The following NKAIN2 variants were observed in gnomAD, a reference collection of about 807,000 sequenced individuals.
NKAIN2 encodes the protein sodium/potassium-transporting ATPase subunit beta-1-interacting protein 2.
Under a neutral mutation model 32.6 loss-of-function variants are expected in NKAIN2, and 14 were observed. The observed-to-expected ratio is 0.43, with a 90% CI of 0.28 to 0.67. NKAIN2 has a LOEUF of 0.67. Among genes scored for constraint, NKAIN2 ranks in the 30% least tolerant of loss-of-function variants. The pLI is 0.17. For missense variants in NKAIN2, 198 were observed against 258.3 expected (o/e 0.77, Z 1.60); for synonymous variants, 80 against 87.2 (o/e 0.92, Z 0.46).
intron 1 of NKAIN2, among the ~76,000 whole-genome samples, chr6:124,261,414 A>G (rs1794242178): frequency 6.6e-6 from 1 of 152,166 alleles, no homozygotes; most frequent in Non-Finnish European, 1.5e-5. Flanking sequence ...CACTTCAACA[A>G]TGTTAGTTGC....
chr6:124,166,463 AG>A (rs1240802007), intron 1 of NKAIN2, among the ~76,000 whole-genome samples: 19 of 150,414 alleles, frequency 1.3e-4, no homozygotes, highest in African/African-American at 3.2e-4. Context: ...CCAATTTTGT[AG>A]GTTGCCTGTT....
Position 124,490,228 on chromosome 6 carries a change from GA to G in NKAIN2, c.273+134890del, listed in dbSNP as rs201777883. ...CAAGTTCCTTGAAACATTCAGGAAA[GA>G]AAAAAAAACTAAGCCAATTCCCTGT... On this transcript the variant is annotated intron_variant, in intron 3 of 6. Transcript: ENST00000368417. Among the ~76,000 whole-genome samples the G allele has an allele frequency of 1.5e-4, 22 of 150,268 alleles. No homozygotes were observed. In the South Asian group the frequency reaches 3.2e-3, roughly 22 times the overall value.
chr6:124,808,339 T>A (rs1381219331), intron 5 of NKAIN2, among the ~76,000 whole-genome samples: 1 of 151,984 alleles, frequency 6.6e-6, no homozygotes, highest in East Asian at 1.9e-4. Flanking sequence ...TATACGCAAA[T>A]CAATAAATGT....
In NKAIN2 at chr6:124,664,546, A is replaced by G. The variant is rs112591485; in HGVS notation, c.474+6160A>G. 7.9e-3 allele frequency among the ~76,000 whole-genome samples: 1,198 copies of G among 151,900 alleles called. 5 individuals are homozygous for G. The highest frequency in any genetic ancestry group is 0.014 in the Non-Finnish European group (945 of 67,944). Reference sequence around the variant, plus strand: ...GTGTGATAGAATTATCAATATAAAAATTTCTTGGGAGGCCGAGGCGGGCGG... The same window carrying G: ...GTGTGATAGAATTATCAATATAAAAGTTTCTTGGGAGGCCGAGGCGGGCGG... On this transcript the variant is annotated intron_variant, in intron 4 of 6. Coordinates refer to ENST00000368417, the MANE Select transcript of NKAIN2 (RefSeq NM_001040214.3).
intron 3 of NKAIN2, among the ~76,000 whole-genome samples, chr6:124,579,013 G>T (rs573475711): frequency 2.0e-5 from 3 of 152,144 alleles, no homozygotes; most frequent in Non-Finnish European, 4.4e-5. Flanking sequence ...ATGAGTTTGC[G>T]CAAGCCACAG....
chr6:124,415,911 C>T (rs1326480228), intron 3 of NKAIN2, among the ~76,000 whole-genome samples: 1 of 87,818 alleles, frequency 1.1e-5, no homozygotes, highest in African/African-American at 4.0e-5. Flanking sequence ...TTTCTCATCA[C>T]AGAATGTTAA....
rs528665709 is a variant in NKAIN2 at position 124,131,353 on chromosome 6, C to T, written c.55-151652C>T. 8.9e-4 allele frequency among the ~76,000 whole-genome samples: 135 copies of T among 152,170 alleles called. 1 individual carries two copies. The highest frequency in any genetic ancestry group is 3.0e-3 in the African/African-American group (126 of 41,518). On this transcript the variant is annotated intron_variant, in intron 1 of 6. Coordinates refer to ENST00000368417, the MANE Select transcript of NKAIN2 (RefSeq NM_001040214.3). ...GGTTTTAAAATAGTATCTGGCTTTA[C>T]CAGGAGAAGATGGTGAATAGGAGGC...
intron 1 of NKAIN2, among the ~76,000 whole-genome samples, chr6:123,827,645 C>T (rs1400414057): frequency 6.6e-6 from 1 of 152,072 alleles, no homozygotes; most frequent in Non-Finnish European, 1.5e-5. Context: ...ACACAGATAT[C>T]ATTTGAATTT....
At chr6:124,220,465 T>C (rs964460461) in intron 1 of NKAIN2, among the ~76,000 whole-genome samples, 1 of 151,856 alleles carries the variant, frequency 6.6e-6, no homozygotes, top group African/African-American at 2.4e-5. Flanking sequence ...TTTTCCCTTT[T>C]TTTGGGGCCA....
At chr6:124,026,345 C>T (rs757701169) in intron 1 of NKAIN2, among the ~76,000 whole-genome samples, 1 of 151,102 alleles carries the variant, frequency 6.6e-6, no homozygotes, top group Non-Finnish European at 1.5e-5. Flanking sequence ...CCAATATTCT[C>T]TTAACCAAAT....
At chr6:124,384,611 G>A (rs1772805631) in intron 3 of NKAIN2, among the ~76,000 whole-genome samples, 1 of 149,012 alleles carries the variant, frequency 6.7e-6, no homozygotes, top group South Asian at 2.1e-4. Flanking sequence ...ACAATAGTTT[G>A]ACTCTCTTGC....
chr6:124,747,602 A>T (rs1466314995), intron 4 of NKAIN2, among the ~76,000 whole-genome samples: 1 of 151,768 alleles, frequency 6.6e-6, no homozygotes, highest in South Asian at 2.1e-4. Context: ...TGAAGAAGAA[A>T]ACTTGCTTAG....
intron 3 of NKAIN2, among the ~76,000 whole-genome samples, chr6:124,461,702 A>G (rs907076652): frequency 2.6e-5 from 4 of 151,852 alleles, no homozygotes; most frequent in African/African-American, 7.2e-5. Flanking sequence ...AATATCAACA[A>G]TAGTTAATTG....
chr6:124,026,315 GTATTCA>G (rs1690217517), intron 1 of NKAIN2, among the ~76,000 whole-genome samples: 1 of 152,176 alleles, frequency 6.6e-6, no homozygotes, highest in South Asian at 2.1e-4. Context: ...CTCTTCTACA[GTATTCA>G]TATTCATATT....
chr6:124,109,950 C>T (rs930523868), intron 1 of NKAIN2, among the ~76,000 whole-genome samples: 3 of 151,928 alleles, frequency 2.0e-5, no homozygotes, highest in East Asian at 1.9e-4. Context: ...GAATAAATGC[C>T]GCATAATCAT....
intron 3 of NKAIN2, among the ~76,000 whole-genome samples, chr6:124,518,370 A>G (rs1398329968): frequency 2.0e-5 from 3 of 151,822 alleles, no homozygotes; most frequent in Non-Finnish European, 4.4e-5. Flanking sequence ...CCATTTTTGC[A>G]TTGCTATAGA....
intron 3 of NKAIN2, among the ~76,000 whole-genome samples, chr6:124,432,619 A>C (rs1042208481): frequency 3.9e-5 from 6 of 152,102 alleles, no homozygotes; most frequent in African/African-American, 1.4e-4. Context: ...AAATCTAAAC[A>C]AATAAATAAA....
intron 3 of NKAIN2, among the ~76,000 whole-genome samples, chr6:124,634,992 GAAAGAAA>G (rs995098688): frequency 4.9e-5 from 7 of 142,680 alleles, no homozygotes; most frequent in African/African-American, 1.8e-4. Flanking sequence ...AAAGAAGAGA[GAAAGAAA>G]AAAGAAAAGA....
intron 1 of NKAIN2, among the ~76,000 whole-genome samples, chr6:123,944,421 A>G (rs1776974715): frequency 6.6e-6 from 1 of 152,002 alleles, no homozygotes; most frequent in African/African-American, 2.4e-5. Flanking sequence ...TTTGTCTTTT[A>G]GTACCCTATC....
Sources: allele counts gnomAD v4.1 joint callset (sites outside exome capture counted in the v4.1 genomes callset), GRCh38; gene constraint gnomAD v4.1.1; transcripts MANE v1.5; gene names NCBI Gene and HGNC (gene_info 2026-07-23, HGNC 2026-07-21).